LAMA1: variants seen among roughly 807,000 people sequenced by gnomAD.
The protein encoded by LAMA1 is laminin subunit alpha 1.
In LAMA1, 219 loss-of-function variants were observed where a neutral mutation model predicts 348.7. The ratio of observed to expected loss-of-function variants is 0.63; its 90% CI spans 0.56 to 0.70. The LOEUF (loss-of-function observed/expected upper bound fraction) is 0.70. Among genes scored for constraint, LAMA1 ranks in the 30% least tolerant of loss-of-function variants. LAMA1 has a pLI of 0.00. For missense variants in LAMA1, 3,744 were observed against 3,888.0 expected (o/e 0.96, Z 0.99); for synonymous variants, 1,487 against 1,491.0 (o/e 1.00, Z 0.06).
chr18:7,035,423 T>TA (rs72153059), intron 13 of LAMA1, among the ~76,000 whole-genome samples: 133 of 149,302 alleles, frequency 8.9e-4, no homozygotes, highest in African/African-American at 3.1e-3. Context: ...CCTTTTTACT[T>TA]AAAATTTTTT....
rs900408728 is a variant in LAMA1 at position 6,997,945 on chromosome 18, T to A, written c.4664-61A>T. The A allele has an allele frequency of 4.7e-6, 7 of 1,503,180 alleles. No individual in the cohort carries two copies. In the African/African-American group the frequency reaches 9.6e-5, roughly 21 times the overall value. The allele number at this position is 1,503,180 out of a possible 1,614,324, so 93.1% of individuals were successfully genotyped here. On this transcript the variant is annotated intron_variant, in intron 32 of 62. Coordinates refer to ENST00000389658, the MANE Select transcript of LAMA1 (RefSeq NM_005559.4). ...TAATGCGATGTGGTCTGCCCATTTT[T>A]TCATGGAGTTGCGCAAGTTGTTTTG...
At chr18:7,113,753 T>C (rs1274011267) in intron 1 of LAMA1, among the ~76,000 whole-genome samples, 1 of 151,844 alleles carries the variant, frequency 6.6e-6, no homozygotes, top group Non-Finnish European at 1.5e-5. Context: ...AAACAAACAA[T>C]TCCTAAGTCT....
At chr18:7,030,936 C>G (rs2057966472) in intron 16 of LAMA1, among the ~76,000 whole-genome samples, 2 of 150,156 alleles carry the variant, frequency 1.3e-5, no homozygotes, top group Admixed American at 6.7e-5. Flanking sequence ...CGGTTGGAAG[C>G]TGTGCACCTG....
At chr18:6,960,891 A>T (rs1446941751) in intron 53 of LAMA1, among the ~76,000 whole-genome samples, 1 of 149,008 alleles carries the variant, frequency 6.7e-6, no homozygotes, top group East Asian at 1.9e-4. Context: ...CCCTTGCAGC[A>T]TGGTTGTGAT....
At chr18:7,113,782 A>C (rs1242038379) in intron 1 of LAMA1, among the ~76,000 whole-genome samples, 1 of 152,180 alleles carries the variant, frequency 6.6e-6, no homozygotes. Flanking sequence ...GTGAGAATAA[A>C]AAATGGGAAA....
rs2057985811 is a variant in LAMA1, at chr18:7,034,555, G to A, written c.1975C>T (p.Leu659=). The A allele has an allele frequency of 2.5e-6, 4 of 1,614,166 alleles. No homozygotes were observed. Among genetic ancestry groups the A allele is most frequent in the Non-Finnish European group, 3.4e-6 (4 of 1,180,024 alleles). Residue 659 remains leucine (L), a synonymous_variant, in exon 14 of 63, where the codon CTG becomes TTG. Coordinates refer to ENST00000389658, the MANE Select transcript of LAMA1 (RefSeq NM_005559.4). ...HSKRQIDRDQ[L]MTVLANVTHL... ...GTCACATTGGCAAGGACAGTCATCA[G>A]CTGGTCACGATCAATCTGCCTTTTG...
chr18:7,014,585 AGCTTTGATGG>A (rs2057877494), intron 22 of LAMA1, among the ~76,000 whole-genome samples: 1 of 122,354 alleles, frequency 8.2e-6, no homozygotes, highest in African/African-American at 2.9e-5. Flanking sequence ...GGATACAGTG[AGCTTTGATGG>A]TGTCACTGCA....
intron 57 of LAMA1, among the ~76,000 whole-genome samples, chr18:6,952,639 T>A (rs1375359787): frequency 6.6e-6 from 1 of 152,228 alleles, no homozygotes; most frequent in East Asian, 1.9e-4. Context: ...GTTCTGGAAA[T>A]AAATAATACA....
At chr18:6,981,882 G>A (rs935636953) in intron 41 of LAMA1, among the ~76,000 whole-genome samples, 1 of 152,058 alleles carries the variant, frequency 6.6e-6, no homozygotes, top group African/African-American at 2.4e-5. Context: ...AAAAATTGTA[G>A]GCCTACGTAG....
intron 3 of LAMA1, among the ~76,000 whole-genome samples, chr18:7,057,219 C>A (rs1004045757): frequency 6.6e-6 from 1 of 152,010 alleles, no homozygotes; most frequent in Non-Finnish European, 1.5e-5. Context: ...GTCATTTCCC[C>A]CCATTACAGA....
At chr18:7,095,065 G>GTT (rs779909400) in intron 1 of LAMA1, among the ~76,000 whole-genome samples, 5,998 of 114,640 alleles carry the variant, frequency 0.052, 556 homozygotes, top group African/African-American at 0.17. Context: ...TCCCTTGACT[G>GTT]TTTTTTTTTT....
chr18:7,079,713 T>A, intron 3 of LAMA1: 1 of 497,374 alleles, frequency 2.0e-6, no homozygotes, highest in Non-Finnish European at 3.7e-6. Context: ...GATGGATGAG[T>A]GTGCCCTGTT....
At chr18:7,088,996 T>C (rs934668366) in intron 1 of LAMA1, among the ~76,000 whole-genome samples, 1 of 150,234 alleles carries the variant, frequency 6.7e-6, no homozygotes, top group African/African-American at 2.4e-5. Context: ...CAGTGAGACT[T>C]TGTCTCTAAA....
chr18:6,991,672 G>A (rs1429707348), intron 36 of LAMA1, among the ~76,000 whole-genome samples: 1 of 151,996 alleles, frequency 6.6e-6, no homozygotes, highest in African/African-American at 2.4e-5. Context: ...TTACATGCGT[G>A]AGCCACCACG....
intron 61 of LAMA1, among the ~76,000 whole-genome samples, chr18:6,945,745 G>C (rs1312907883): frequency 6.6e-6 from 1 of 152,130 alleles, no homozygotes; most frequent in African/African-American, 2.4e-5. Flanking sequence ...AGGATGAGAA[G>C]CCTGAGCTGA....
At chr18:7,075,927 G>C (rs1241936122) in intron 3 of LAMA1, among the ~76,000 whole-genome samples, 1 of 135,370 alleles carries the variant, frequency 7.4e-6, no homozygotes, top group Admixed American at 7.9e-5. Flanking sequence ...ACAGAGTGAG[G>C]CTCCATTTAA....
In LAMA1 at chr18:7,090,295, G is replaced by A. The variant is rs577006176; in HGVS notation, c.62-9838C>T. ...GCTTAAATATGTGAAATATATCAAA[G>A]TCTTGCCTGTTTAATGTAAAACGAG... On this transcript the variant is annotated intron_variant, in intron 1 of 62. Coordinates refer to ENST00000389658, the MANE Select transcript of LAMA1 (RefSeq NM_005559.4). Among the ~76,000 whole-genome samples, 14 of 152,270 alleles carry A rather than the reference G, an allele frequency of 9.2e-5. No homozygotes were observed. In the South Asian group the frequency reaches 2.7e-3, roughly 29 times the overall value.
rs143790765 is a variant in LAMA1, at chr18:7,069,947, T to C, written c.345+10028A>G. 2.6e-3 allele frequency among the ~76,000 whole-genome samples: 392 copies of C among 152,340 alleles called. 1 individual carries two copies. The highest frequency in any genetic ancestry group is 6.8e-3 in the Middle Eastern group (2 of 294). ...AGGAAAGGTATAAAATGAATGTTGC[T>C]GTTTTAAGCCATAAAGTTTCACAGT... On this transcript the variant is annotated intron_variant, in intron 3 of 62. Coordinates refer to ENST00000389658, the MANE Select transcript of LAMA1 (RefSeq NM_005559.4).
intron 3 of LAMA1, among the ~76,000 whole-genome samples, chr18:7,067,932 C>A (rs571788355): frequency 6.6e-6 from 1 of 152,090 alleles, no homozygotes; most frequent in South Asian, 2.1e-4. Context: ...TGGCTCACTG[C>A]AAACTCTGCC....
Sources: gnomAD v4.1 joint callset for allele counts (sites outside exome capture counted in the v4.1 genomes callset) on GRCh38, gnomAD v4.1.1 for gene constraint, MANE v1.5 for transcripts, NCBI Gene and HGNC (gene_info 2026-07-23, HGNC 2026-07-21) for gene names.